MGAT4C: variants seen among roughly 807,000 people sequenced by gnomAD.
MGAT4C encodes alpha-1,3-mannosyl-glycoprotein 4-beta-N-acetylglucosaminyltransferase C.
MGAT4C carries 19 observed loss-of-function variants against 40.1 expected under a neutral mutation model. The ratio of observed to expected loss-of-function variants is 0.47; its 90% confidence interval spans 0.33 to 0.70. The LOEUF (loss-of-function observed/expected upper bound fraction) is 0.70. Ranked by LOEUF, MGAT4C falls within the 30% of genes least tolerant of loss-of-function variation. MGAT4C has a pLI of 0.02. For synonymous variants in MGAT4C, 181 were observed against 187.1 expected (o/e 0.97, Z 0.27); for missense variants, 491 against 563.2 (o/e 0.87, Z 1.30).
intron 4 of MGAT4C, among the ~76,000 whole-genome samples, chr12:86,288,083 G>C (rs1444303345): frequency 1.3e-5 from 2 of 151,976 alleles, no homozygotes; most frequent in Non-Finnish European, 2.9e-5. Flanking sequence ...TTTTGATTTG[G>C]ATTTCTCTAA....
intron 2 of MGAT4C, among the ~76,000 whole-genome samples, chr12:86,692,449 A>T (rs537954817): frequency 6.6e-6 from 1 of 152,182 alleles, no homozygotes; most frequent in African/African-American, 2.4e-5. Flanking sequence ...TAAATTTAAC[A>T]CATAAATAAA....
intron 4 of MGAT4C, among the ~76,000 whole-genome samples, chr12:86,274,976 C>T (rs529865432): frequency 5.9e-5 from 9 of 152,260 alleles, no homozygotes; most frequent in African/African-American, 2.2e-4. Context: ...GTCGAACATA[C>T]GGTAAGGGGC....
intron 4 of MGAT4C, among the ~76,000 whole-genome samples, chr12:86,314,688 T>C (rs1044336791): frequency 2.6e-5 from 4 of 152,216 alleles, no homozygotes; most frequent in African/African-American, 4.8e-5. Flanking sequence ...ATTCTGCCAA[T>C]AGCATTTCCC....
chr12:86,456,901 T>C (rs1957519331), intron 2 of MGAT4C, among the ~76,000 whole-genome samples: 1 of 152,110 alleles, frequency 6.6e-6, no homozygotes, highest in Non-Finnish European at 1.5e-5. Context: ...GGTAGAATAA[T>C]GTTTTCCAAA....
At chr12:86,723,182 A>G (rs1219903761) in intron 2 of MGAT4C, among the ~76,000 whole-genome samples, 1 of 152,202 alleles carries the variant, frequency 6.6e-6, no homozygotes, top group Non-Finnish European at 1.5e-5. Flanking sequence ...TGCTAGTTTC[A>G]TCGTTGTTCC....
intron 2 of MGAT4C, among the ~76,000 whole-genome samples, chr12:86,603,299 C>T (rs1315019210): frequency 5.2e-5 from 7 of 135,296 alleles, no homozygotes; most frequent in African/African-American, 1.9e-4. Flanking sequence ...TATAGTATAG[C>T]ATATAATTAT....
intron 1 of MGAT4C, among the ~76,000 whole-genome samples, chr12:86,803,311 C>G: frequency 6.6e-6 from 1 of 151,094 alleles, no homozygotes; most frequent in Non-Finnish European, 1.5e-5. Context: ...CCATAAAAAC[C>G]CTAGAAGAAA....
At chr12:86,550,914 C>T (rs1346464286) in intron 2 of MGAT4C, among the ~76,000 whole-genome samples, 2 of 152,216 alleles carry the variant, frequency 1.3e-5, no homozygotes, top group Non-Finnish European at 2.9e-5. Context: ...TCTCCATGGA[C>T]ATTTCTCTGC....
chr12:86,632,059 G>GA (rs1593063471), intron 2 of MGAT4C, among the ~76,000 whole-genome samples: 1 of 151,904 alleles, frequency 6.6e-6, no homozygotes, highest in Non-Finnish European at 1.5e-5. Context: ...AAATTTATAA[G>GA]AAAAAATCAA....
At chr12:86,762,647 T>A (rs918136274) in intron 1 of MGAT4C, among the ~76,000 whole-genome samples, 2 of 152,196 alleles carry the variant, frequency 1.3e-5, no homozygotes, top group African/African-American at 4.8e-5. Flanking sequence ...GAAAAACCCA[T>A]TGAATATTTT....
At chr12:86,789,286 A>G (rs1366847641) in intron 1 of MGAT4C, among the ~76,000 whole-genome samples, 5 of 152,116 alleles carry the variant, frequency 3.3e-5, no homozygotes, top group East Asian at 1.9e-4. Flanking sequence ...CTAGACTACT[A>G]TATGAACAGG....
At chr12:86,811,975 C>T (rs1338167155) in intron 1 of MGAT4C, among the ~76,000 whole-genome samples, 6 of 152,240 alleles carry the variant, frequency 3.9e-5, no homozygotes, top group Non-Finnish European at 1.5e-5. Flanking sequence ...CTCAGCATTG[C>T]TTTAGCTGCA....
chr12:86,801,314 T>C (rs1362816896), intron 1 of MGAT4C, among the ~76,000 whole-genome samples: 2 of 151,694 alleles, frequency 1.3e-5, no homozygotes, highest in African/African-American at 4.8e-5. Flanking sequence ...TTTTAAGTAA[T>C]AAAAAAGGGA....
At chr12:86,096,859 G>A (rs1424470002) in intron 1 of MGAT4C, among the ~76,000 whole-genome samples, 1 of 151,384 alleles carries the variant, frequency 6.6e-6, no homozygotes, top group East Asian at 1.9e-4. Flanking sequence ...ATATATTTGT[G>A]GTTGTCTCAG....
In MGAT4C at chr12:86,226,060, T is replaced by C. The variant is rs12304625; in HGVS notation, c.-57+30179A>G. 7.8e-3 allele frequency among the ~76,000 whole-genome samples: 1,191 copies of C among 151,826 alleles called. 21 individuals are homozygous for C. The highest frequency in any genetic ancestry group is 0.028 in the African/African-American group (1,142 of 41,440). On this transcript the variant is annotated intron_variant, in intron 1 of 4. Transcript: ENST00000611864. ...GCGCTTGCATGTAATAACAGATCTA[T>C]ATAATTTTATAATATGCAATATTTT...
chr12:86,062,876 A>G (rs1395294366), intron 1 of MGAT4C, among the ~76,000 whole-genome samples: 3 of 152,154 alleles, frequency 2.0e-5, no homozygotes, highest in Non-Finnish European at 2.9e-5. Context: ...GGACTAGGTG[A>G]AAAGACCAAA....
intron 2 of MGAT4C, among the ~76,000 whole-genome samples, chr12:86,667,942 T>C (rs1198746190): frequency 6.6e-6 from 1 of 152,226 alleles, no homozygotes; most frequent in Non-Finnish European, 1.5e-5. Flanking sequence ...TGCACATGGA[T>C]TTTCTGGTCT....
intron 2 of MGAT4C, among the ~76,000 whole-genome samples, chr12:86,594,195 G>A (rs1593023575): frequency 6.6e-6 from 1 of 152,146 alleles, no homozygotes; most frequent in African/African-American, 2.4e-5. Flanking sequence ...TAGGAGTAGT[G>A]TGAGAATTGC....
In MGAT4C at chr12:86,225,144, C is replaced by T. The variant is rs192412887; in HGVS notation, c.-57+31095G>A. Among the ~76,000 whole-genome samples, 1,082 of 152,058 alleles carry T rather than the reference C, an allele frequency of 7.1e-3. 12 individuals carry two copies. Among genetic ancestry groups the T allele is most frequent in the Non-Finnish European group, 0.013 (854 of 67,938 alleles). Reference sequence around the variant, plus strand: ...GATTTTATAACTGATAAAAGATCATCAGAGAGTATTAGGAACAACTGTTAT... The same window carrying T: ...GATTTTATAACTGATAAAAGATCATTAGAGAGTATTAGGAACAACTGTTAT... On this transcript the variant is annotated intron_variant, in intron 1 of 4. Transcript: ENST00000611864.
Sources: allele counts gnomAD v4.1 joint callset (sites outside exome capture counted in the v4.1 genomes callset), GRCh38; gene constraint gnomAD v4.1.1; transcripts MANE v1.5; gene names NCBI Gene and HGNC (gene_info 2026-07-23, HGNC 2026-07-21).